AFF2: variants seen among roughly 807,000 people sequenced by gnomAD.
The protein encoded by AFF2 is ALF transcription elongation factor 2, also known as AF4/FMR2 family member 2.
Under a neutral mutation model 76.9 loss-of-function variants are expected in AFF2, and 14 were observed. The ratio of observed to expected loss-of-function variants is 0.18; its 90% CI spans 0.12 to 0.28. The LOEUF (loss-of-function observed/expected upper bound fraction) is 0.28. AFF2 is among the 10% of genes least tolerant of loss of function. The pLI, the probability that AFF2 is intolerant of heterozygous loss-of-function variation, is 1.00. For synonymous variants in AFF2, 398 were observed against 366.7 expected, an observed-to-expected ratio of 1.09 and a Z score of -0.98; for missense variants, 868 against 1,001.1, an observed-to-expected ratio of 0.87 and a Z score of 1.79.
At chrX:148,897,030 T>G (rs1227953674) in intron 8 of AFF2, among the ~76,000 whole-genome samples, 1 of 104,219 alleles carries the variant, frequency 9.6e-6, no homozygotes, top group Non-Finnish European at 2.0e-5. Flanking sequence ...TCTTCCCACA[T>G]CAAGTCTGAC....
At chrX:148,973,980 A>G (rs1456685093) in intron 16 of AFF2, among the ~76,000 whole-genome samples, 1 of 111,815 alleles carries the variant, frequency 8.9e-6, no homozygotes, top group Admixed American at 9.5e-5. Context: ...ATTACAAACC[A>G]TGTTTTCTAA....
chrX:148,522,940 T>G (rs2052617501), intron 1 of AFF2, among the ~76,000 whole-genome samples: 2 of 112,304 alleles, frequency 1.8e-5, no homozygotes, highest in Admixed American at 1.9e-4. Flanking sequence ...AAGGAGAAAC[T>G]GAGGCAAGGA....
intron 1 of AFF2, among the ~76,000 whole-genome samples, chrX:148,567,041 G>T (rs2053177620): frequency 8.9e-6 from 1 of 111,899 alleles, no homozygotes; most frequent in South Asian, 3.7e-4. Flanking sequence ...GTAATGCTCA[G>T]TACTCCACCT....
chrX:148,732,281 G>A (rs1321894710), intron 3 of AFF2, among the ~76,000 whole-genome samples: 1 of 97,240 alleles, frequency 1.0e-5, no homozygotes, highest in Non-Finnish European at 2.0e-5. Context: ...GTAGGGACAT[G>A]GATGAAATTG....
rs781925369 is a variant in AFF2 at position 148,998,608 on chromosome X, T to A, written c.*7276T>A. ...GAGTGGTTGCAGGCAGATGAGACAG[T>A]GTTATATCAGGATTTTTCAATCAAC... is the stretch of plus-strand genomic sequence containing the variant. On this transcript the variant is annotated 3_prime_UTR_variant, in exon 21 of 21. Transcript: ENST00000370460. 9.0e-5 allele frequency: 10 copies of A among 111,693 alleles called. No individual in the cohort carries two copies. The highest frequency in any genetic ancestry group is 1.7e-4 in the Non-Finnish European group (9 of 53,044). The allele number at this position is 111,693 out of a possible 1,213,427, so 9.2% of individuals were successfully genotyped here.
chrX:148,785,480 G>T (rs1369533909), intron 3 of AFF2, among the ~76,000 whole-genome samples: 1 of 111,677 alleles, frequency 9.0e-6, no homozygotes, highest in Non-Finnish European at 1.9e-5. Context: ...GTGGCTTGGT[G>T]CACAGCATTA....
chrX:148,788,097 C>T (rs1418303066), intron 3 of AFF2, among the ~76,000 whole-genome samples: 2 of 111,639 alleles, frequency 1.8e-5, no homozygotes, highest in African/African-American at 6.5e-5. Context: ...TTCATGTTAT[C>T]TAAAAGTTGA....
At chrX:148,558,383 C>T (rs12559249) in intron 1 of AFF2, among the ~76,000 whole-genome samples, 32,408 of 109,786 alleles carry the variant, frequency 0.3, 4,312 homozygotes, top group East Asian at 0.94. Flanking sequence ...TTCTGTGGGC[C>T]CAAGTGTTTT....
chrX:148,788,609 G>A (rs1170150490), intron 3 of AFF2, among the ~76,000 whole-genome samples: 1 of 111,511 alleles, frequency 9.0e-6, no homozygotes, highest in Admixed American at 9.6e-5. Context: ...ATGCAGTCAC[G>A]TTTCTCATCA....
In AFF2 at chrX:148,953,742, G is replaced by T; in HGVS notation, c.1557+3G>T. 1 of 1,201,931 alleles carries T rather than the reference G, an allele frequency of 8.3e-7. No homozygotes were observed. The highest frequency in any genetic ancestry group is 1.8e-5 in the South Asian group (1 of 55,157). Reference sequence around the variant, plus strand: ...CACCTCGTGTGGCAACTCCAGAGGTGAGTGAAGGTGCCAGGGCCCTAACCA... The same window carrying T: ...CACCTCGTGTGGCAACTCCAGAGGTTAGTGAAGGTGCCAGGGCCCTAACCA... On this transcript the variant is annotated splice_donor_region_variant and intron_variant, in intron 10 of 20. Transcript: ENST00000370460.
intron 1 of AFF2, among the ~76,000 whole-genome samples, chrX:148,607,053 G>T (rs1361913819): frequency 9.0e-6 from 1 of 111,286 alleles, no homozygotes; most frequent in African/African-American, 3.3e-5. Flanking sequence ...TAGACGACAA[G>T]ATGTAAAGCA....
intron 1 of AFF2, among the ~76,000 whole-genome samples, chrX:148,597,407 A>G (rs1455806979): frequency 9.0e-6 from 1 of 111,165 alleles, no homozygotes; most frequent in African/African-American, 3.3e-5. Flanking sequence ...AAGTGAATAC[A>G]TTTTTCATGG....
At chrX:148,854,211 C>A (rs185976493) in intron 7 of AFF2, among the ~76,000 whole-genome samples, 6 of 111,836 alleles carry the variant, frequency 5.4e-5, no homozygotes, top group Admixed American at 4.7e-4. Context: ...AGGTTGCATA[C>A]AATTGTCAGC....
intron 3 of AFF2, among the ~76,000 whole-genome samples, chrX:148,698,106 T>C (rs782672262): frequency 1.1e-3 from 118 of 112,148 alleles, no homozygotes; most frequent in Non-Finnish European, 1.5e-3. Flanking sequence ...ATTGCAGGCG[T>C]CATAGTACAG....
At chrX:148,779,567 T>C (rs1205796255) in intron 3 of AFF2, among the ~76,000 whole-genome samples, 1 of 105,086 alleles carries the variant, frequency 9.5e-6, no homozygotes, top group Non-Finnish European at 1.9e-5. Flanking sequence ...TTAGCTCTTC[T>C]TGTTGCATTT....
At chrX:148,865,717 G>T (rs910219244) in intron 7 of AFF2, among the ~76,000 whole-genome samples, 2 of 111,569 alleles carry the variant, frequency 1.8e-5, no homozygotes, top group African/African-American at 6.5e-5. Context: ...CAAGAGGCGT[G>T]GGTCTCCCAT....
intron 1 of AFF2, among the ~76,000 whole-genome samples, chrX:148,531,264 G>T (rs948425466): frequency 1.6e-4 from 18 of 111,664 alleles, no homozygotes; most frequent in Non-Finnish European, 3.2e-4. Context: ...AGAAGGCAAT[G>T]AAATTTAGTA....
intron 9 of AFF2, among the ~76,000 whole-genome samples, chrX:148,906,806 C>A (rs1557281477): frequency 8.9e-6 from 1 of 111,811 alleles, no homozygotes; most frequent in Non-Finnish European, 1.9e-5. Flanking sequence ...TGCAGACCTG[C>A]CCTTGACTTC....
chrX:148,777,656 G>A (rs1428718202), intron 3 of AFF2, among the ~76,000 whole-genome samples: 4 of 111,628 alleles, frequency 3.6e-5, no homozygotes, highest in African/African-American at 6.5e-5. Context: ...TCTGTTTGTC[G>A]ATTATTGATG....
Sources: allele counts gnomAD v4.1 joint callset (sites outside exome capture counted in the v4.1 genomes callset), GRCh38; gene constraint gnomAD v4.1.1; transcripts MANE v1.5; gene names NCBI Gene and HGNC (gene_info 2026-07-23, HGNC 2026-07-21).